The following LATS2 variants were observed in gnomAD, a reference collection of about 807,000 sequenced individuals.
The protein encoded by LATS2 is large tumor suppressor kinase 2, also known as serine/threonine-protein kinase LATS2.
LATS2 carries 24 observed loss-of-function variants against 76.0 expected under a neutral mutation model. That is an observed-to-expected ratio of 0.32 (90% CI 0.23 to 0.44). The LOEUF (loss-of-function observed/expected upper bound fraction) is 0.44. Among genes scored for constraint, LATS2 ranks in the 20% least tolerant of loss-of-function variants. LATS2 has a pLI of 1.00. For missense variants in LATS2, 1,286 were observed against 1,481.2 expected, an observed-to-expected ratio of 0.87 and a Z score of 2.16; for synonymous variants, 692 against 635.4, an observed-to-expected ratio of 1.09 and a Z score of -1.34.
At chr13:21,044,917 G>A (rs1873010858) in intron 2 of LATS2, among the ~76,000 whole-genome samples, 2 of 151,960 alleles carry the variant, frequency 1.3e-5, no homozygotes, top group Admixed American at 6.6e-5. Context: ...GTAGAGATGG[G>A]GAGTCTCGCT....
rs187318337 is a variant in LATS2 at position 20,998,140 on chromosome 13, C to T, written c.343-6736G>A. ...GGGCTTTGGGAGGCCAAGGTAGGAT[C>T]GCTTGAGGCCAGGAGTTCAAGACCA... On this transcript the variant is annotated intron_variant, in intron 2 of 7. Coordinates refer to ENST00000382592, the MANE Select transcript of LATS2 (RefSeq NM_014572.3). 7.4e-4 allele frequency among the ~76,000 whole-genome samples: 113 copies of T among 152,132 alleles called. No homozygotes were observed. In the East Asian group the frequency reaches 0.015, roughly 20 times the overall value.
chr13:20,988,968 C>T lies in LATS2; in HGVS notation c.812G>A (p.Arg271His), dbSNP rs542237961. The T allele has an allele frequency of 3.9e-6, 6 of 1,539,266 alleles. No individual in the cohort carries two copies. In the Admixed American group the frequency reaches 7.8e-5, roughly 20 times the overall value. The stretch of plus-strand genomic sequence containing the variant: ...CGTCTTGCTCTGGAAGGAGGGGCTG[C>T]GCTGCACTCCGTAGCCCAGGGGTTC... ...PGEPLGYGVQ[R>H]SPSFQSKTPP... Residue 271 changes from arginine (R) to histidine (H), a missense_variant, in exon 4 of 8, where the codon CGC becomes CAC. Around this residue, in one of 5 missense-constraint regions of LATS2, gnomAD observed 710 missense variants for 660.9 expected, o/e 1.07. Coordinates refer to ENST00000382592, the MANE Select transcript of LATS2 (RefSeq NM_014572.3).
intron 1 of LATS2, among the ~76,000 whole-genome samples, chr13:21,049,804 GCT>G: frequency 6.6e-6 from 1 of 152,220 alleles, no homozygotes; most frequent in Middle Eastern, 3.4e-3. Flanking sequence ...AGGCTGGAAA[GCT>G]CTCTCTGGAA....
At chr13:20,987,082 C>A (rs560756826) in intron 4 of LATS2, among the ~76,000 whole-genome samples, 6 of 152,194 alleles carry the variant, frequency 3.9e-5, no homozygotes, top group Non-Finnish European at 5.9e-5. Context: ...GTAACCCCAA[C>A]TACTCGGGAA....
In LATS2 at chr13:20,983,466, T is replaced by C; in HGVS notation, c.2240A>G (p.Tyr747Cys). The C allele has an allele frequency of 6.2e-7, 1 of 1,614,092 alleles. No individual in the cohort carries two copies. The highest frequency in any genetic ancestry group is 8.5e-7 in the Non-Finnish European group (1 of 1,180,004). The change falls in exon 5 of 8, where the codon TAC (tyrosine) becomes TGC (cysteine). Residue 747 changes from tyrosine (Y) to cysteine (C), a missense_variant. This residue lies in a region of LATS2 where 247 missense variants were observed against 385.4 expected (regional missense o/e 0.64). Transcript: ENST00000382592. ...GCTCATCATGTCCCCACCAGGGATG[T>C]AGTCCATCACAAAGTACAGGCTGTC... ...DKDSLYFVMD[Y>C]IPGGDMMSLL...
chr13:20,980,250 A>AC (rs934398772), intron 6 of LATS2, among the ~76,000 whole-genome samples: 4 of 151,784 alleles, frequency 2.6e-5, no homozygotes, highest in East Asian at 1.9e-4. Context: ...GGTGGGCAAA[A>AC]CCCACCGGAC....
At chr13:21,008,371 C>T (rs1281379595) in intron 2 of LATS2, among the ~76,000 whole-genome samples, 1 of 151,890 alleles carries the variant, frequency 6.6e-6, no homozygotes. Context: ...GAGGGGCAGC[C>T]CGCTGGGTGG....
At chr13:21,048,503 T>A (rs1873148074) in intron 1 of LATS2, among the ~76,000 whole-genome samples, 1 of 152,138 alleles carries the variant, frequency 6.6e-6, no homozygotes, top group African/African-American at 2.4e-5. Context: ...ATCTAGCCCA[T>A]CCACCCTCTA....
intron 2 of LATS2, among the ~76,000 whole-genome samples, chr13:21,023,670 AAAAAAAAAAAAAAC>A (rs1488459802): frequency 0.041 from 1,428 of 34,696 alleles, 233 homozygotes; most frequent in African/African-American, 0.067. Flanking sequence ...AAAAAAAAAA[AAAAAAAAAAAAAAC>A]AAACCTCGGC....
Position 20,989,257 on chromosome 13 carries a change from C to T in LATS2, c.523G>A (p.Gly175Arg). 1.2e-6 allele frequency: 2 copies of T among 1,614,022 alleles called. No individual in the cohort carries two copies. Among genetic ancestry groups the T allele is most frequent in the Non-Finnish European group, 1.7e-6 (2 of 1,180,028 alleles). The change falls in exon 4 of 8, where the codon GGA (glycine) becomes AGA (arginine). Residue 175 changes from glycine to arginine, a missense_variant. Coordinates refer to ENST00000382592, the MANE Select transcript of LATS2 (RefSeq NM_014572.3). ...TAGGACGCAAACGAATCGCCGGTTC[C>T]TTCGAAGCTGGGCCTCCGCGTCACT... ...TPVTRRPSFE[G>R]TGDSFASYHQ... is the part of the protein sequence containing the mutation.
At position 20,991,497 on chromosome 13, in the gene LATS2, G is replaced by GAC; in HGVS notation, c.343-95_343-94dup. The GAC allele has an allele frequency of 6.9e-7, 1 of 1,447,994 alleles. No homozygotes were observed. Among genetic ancestry groups the GAC allele is most frequent in the South Asian group, 1.2e-5 (1 of 81,494 alleles). 89.7% of individuals were successfully genotyped at this position (1,447,994 alleles called of 1,614,324 possible). ...CCCACTCCGTGCTGGACTGTGCTGG[G>GAC]ACACTTCGCCTCTGTACTGCTGAGA... On this transcript the variant is annotated intron_variant, in intron 2 of 7. Coordinates refer to ENST00000382592, the MANE Select transcript of LATS2 (RefSeq NM_014572.3). The surrounding 1 kb of genome is among the most constrained non-coding windows in gnomAD (Gnocchi z 4.9).
At chr13:20,998,394 A>G (rs1870857726) in intron 2 of LATS2, among the ~76,000 whole-genome samples, 1 of 152,166 alleles carries the variant, frequency 6.6e-6, no homozygotes, top group Non-Finnish European at 1.5e-5. Flanking sequence ...TTAAATTAAG[A>G]AAAAACAAAG....
intron 5 of LATS2, 75 bp from the exon 6 acceptor site, chr13:20,981,723 C>T: frequency 7.9e-7 from 1 of 1,259,144 alleles, no homozygotes; most frequent in Non-Finnish European, 1.1e-6. Flanking sequence ...AATAACTCAA[C>T]AGATCCACAG....
At chr13:21,041,240 G>A (rs1004902164) in intron 2 of LATS2, among the ~76,000 whole-genome samples, 1 of 152,086 alleles carries the variant, frequency 6.6e-6, no homozygotes, top group Non-Finnish European at 1.5e-5. Flanking sequence ...CCAAAGTGCT[G>A]GGATTACAGG....
intron 1 of LATS2, among the ~76,000 whole-genome samples, chr13:21,046,658 C>G (rs1285493597): frequency 1.3e-5 from 2 of 152,174 alleles, no homozygotes; most frequent in African/African-American, 4.8e-5. Flanking sequence ...CATGGCTTTA[C>G]TAACCTCTCC....
Position 21,039,494 on chromosome 13 carries a change from A to G in LATS2, c.342+6191T>C, listed in dbSNP as rs374509341. Among the ~76,000 whole-genome samples, 10 of 152,328 alleles carry G rather than the reference A, an allele frequency of 6.6e-5. No homozygotes were observed. The East Asian group carries it at 7.7e-4, about 12-fold the overall frequency. ...TTGGTGATGCATATTGTTAGAATTA[A>G]GCCAAATAAATATCCCGAGGAGATC... On this transcript the variant is annotated intron_variant, in intron 2 of 7. Coordinates refer to ENST00000382592, the MANE Select transcript of LATS2 (RefSeq NM_014572.3).
At chr13:21,018,064 A>G (rs931805692) in intron 2 of LATS2, 3 of 152,200 alleles carry the variant, frequency 2.0e-5, no homozygotes, top group African/African-American at 7.2e-5. Context: ...TTCTGAATCA[A>G]TGTCACTCAG....
chr13:21,053,486 T>G (rs1356608986), intron 1 of LATS2, among the ~76,000 whole-genome samples: 1 of 152,080 alleles, frequency 6.6e-6, no homozygotes. Flanking sequence ...CTCCCAGGCA[T>G]GTGCACACAG....
At chr13:21,001,020 TAAAAC>T (rs1431082671) in intron 2 of LATS2, among the ~76,000 whole-genome samples, 9 of 152,198 alleles carry the variant, frequency 5.9e-5, no homozygotes, top group Non-Finnish European at 5.9e-5. Context: ...CAGACTCCAT[TAAAAC>T]AAAACTGCCT....
Sources: gnomAD v4.1 joint callset for allele counts (sites outside exome capture counted in the v4.1 genomes callset) on GRCh38, gnomAD v4.1.1 for gene constraint, gnomAD v4.1.1 regional missense constraint, Gnocchi (gnomAD v3.1) non-coding constraint, MANE v1.5 for transcripts, NCBI Gene and HGNC (gene_info 2026-07-23, HGNC 2026-07-21) for gene names.